Variants in UGT1A4 observed in about 807,000 individuals in gnomAD.
UGT1A4 encodes UDP glucuronosyltransferase family 1 member A4.
In UGT1A4, 32 loss-of-function variants were observed where a neutral mutation model predicts 41.1. That is an observed-to-expected ratio of 0.78 (90% CI 0.59 to 1.05). The LOEUF is 1.05. Among genes scored for constraint, UGT1A4 ranks in the 50% least tolerant of loss-of-function variants. The pLI is 0.00. For synonymous variants in UGT1A4, 283 were observed against 265.1 expected (o/e 1.07, Z -0.66); for missense variants, 748 against 677.4 (o/e 1.10, Z -1.16).
chr2:233,747,973 T>C, intron 1 of UGT1A4: 1 of 1,613,528 alleles, frequency 6.2e-7, no homozygotes, highest in East Asian at 2.2e-5. Flanking sequence ...CATGCATCTG[T>C]GTGGCTGTTC....
In UGT1A4 at chr2:233,718,771, A is replaced by T; in HGVS notation, c.-50A>T. 4 of 1,612,862 alleles carry T rather than the reference A, an allele frequency of 2.5e-6. No homozygotes were observed. Among genetic ancestry groups the T allele is most frequent in the Non-Finnish European group, 3.4e-6 (4 of 1,179,994 alleles). On this transcript the variant is annotated 5_prime_UTR_variant, in exon 1 of 5. The change abolishes the stop of an existing upstream ORF in the 5' untranslated region. Coordinates refer to ENST00000373409, the MANE Select transcript of UGT1A4 (RefSeq NM_007120.3). ...TAATTAAGGCGAAGGAAACAAATGT[A>T]GCAGGCACAGCGTGGGGTGGACAGT...
intron 1 of UGT1A4, among the ~76,000 whole-genome samples, chr2:233,766,480 T>TG (rs1699163559): frequency 6.6e-6 from 1 of 152,128 alleles, no homozygotes; most frequent in Non-Finnish European, 1.5e-5. Context: ...AGGCACATGA[T>TG]GGGGGCGTGG....
rs919221213 is a variant in UGT1A4 at position 233,772,323 on chromosome 2, G to T, written c.1369G>T (p.Asp457Tyr). 1.9e-6 allele frequency: 3 copies of T among 1,614,164 alleles called. No individual in the cohort carries two copies. Among genetic ancestry groups the T allele is most frequent in the Non-Finnish European group, 2.5e-6 (3 of 1,180,042 alleles). Residue 457 changes from aspartate to tyrosine, a missense_variant, in exon 5 of 5, where the codon GAC (aspartate) becomes TAC (tyrosine). Asp to Tyr is a radical substitution (Grantham distance 160). Coordinates refer to ENST00000373409, the MANE Select transcript of UGT1A4 (RefSeq NM_007120.3). Reference protein sequence around the residue: ...LHKDRPVEPLDLAVFWVEFVM... With the variant: ...LHKDRPVEPLYLAVFWVEFVM... ...CAAGGACCGCCCGGTGGAGCCGCTG[G>T]ACCTGGCCGTGTTCTGGGTGGAGTT...
chr2:233,762,588 C>T lies in UGT1A4; in HGVS notation c.868-4446C>T, dbSNP rs557401720. On this transcript the variant is annotated intron_variant, in intron 1 of 4. Coordinates refer to ENST00000373409, the MANE Select transcript of UGT1A4 (RefSeq NM_007120.3). ...TCTAGTTCCCCACAGAGGAACATTA[C>T]AATTTGTATTCCAGGAGTTTTGTTG... is the stretch of plus-strand genomic sequence containing the variant. Among the ~76,000 whole-genome samples, 47 of 152,302 alleles carry T rather than the reference C, an allele frequency of 3.1e-4. No individual in the cohort carries two copies. In the Middle Eastern group the frequency reaches 0.014, roughly 44 times the overall value.
intron 4 of UGT1A4, 145 bp downstream of exon 4, chr2:233,768,584 T>TC: frequency 1.2e-5 from 1 of 86,896 alleles, no homozygotes; most frequent in Non-Finnish European, 1.4e-5. Flanking sequence ...TATTTCTTCT[T>TC]TTTTTTTTTT....
intron 1 of UGT1A4, among the ~76,000 whole-genome samples, chr2:233,736,037 C>T (rs2078722692): frequency 6.6e-6 from 1 of 152,038 alleles, no homozygotes; most frequent in African/African-American, 2.4e-5. Flanking sequence ...TCTGTATTTC[C>T]TGAATTTGAA....
intron 1 of UGT1A4, chr2:233,747,118 C>G: frequency 6.9e-7 from 1 of 1,458,022 alleles, no homozygotes. Flanking sequence ...TGATGATTTG[C>G]TAAGTGGCTC....
At chr2:233,731,284 C>CTTTTTTTTTTT (rs78127606) in intron 1 of UGT1A4, among the ~76,000 whole-genome samples, 1 of 139,762 alleles carries the variant, frequency 7.2e-6, no homozygotes. Flanking sequence ...GTTTTTCTTT[C>CTTTTTTTTTTT]TTTTTTTTTT....
chr2:233,724,950 A>C (rs2077335462), intron 1 of UGT1A4, among the ~76,000 whole-genome samples: 2 of 143,906 alleles, frequency 1.4e-5, no homozygotes, highest in Non-Finnish European at 1.5e-5. Flanking sequence ...CAATCCCGGC[A>C]CCTCGGGAGG....
chr2:233,728,324 C>T (rs1309797848), intron 1 of UGT1A4, among the ~76,000 whole-genome samples: 1 of 152,194 alleles, frequency 6.6e-6, no homozygotes, highest in Non-Finnish European at 1.5e-5. Context: ...GGCCAGGCTC[C>T]AGCTCCCCCA....
intron 1 of UGT1A4, among the ~76,000 whole-genome samples, chr2:233,764,775 GA>G (rs1268647716): frequency 6.6e-6 from 1 of 152,162 alleles, no homozygotes. Context: ...AAGGAGTTCA[GA>G]AAAACCATCC....
intron 1 of UGT1A4, chr2:233,729,531 G>T (rs757870746): frequency 6.2e-7 from 1 of 1,614,140 alleles, no homozygotes. Context: ...TACATAATGA[G>T]GCCCTGATCA....
intron 1 of UGT1A4, among the ~76,000 whole-genome samples, chr2:233,725,748 A>G (rs530176387): frequency 3.9e-5 from 6 of 152,300 alleles, no homozygotes; most frequent in African/African-American, 1.4e-4. Context: ...ACATTGTAAG[A>G]GACTTACATT....
At chr2:233,730,970 C>A (rs1362150933) in intron 1 of UGT1A4, among the ~76,000 whole-genome samples, 1 of 152,154 alleles carries the variant, frequency 6.6e-6, no homozygotes. Context: ...ACTCTGGGAC[C>A]TGAATATTGT....
chr2:233,750,449 A>G (rs1225472187), intron 1 of UGT1A4, among the ~76,000 whole-genome samples: 4 of 151,972 alleles, frequency 2.6e-5, no homozygotes, highest in South Asian at 4.1e-4. Context: ...AGAAATTCAA[A>G]CCAGCTACAG....
At chr2:233,747,854 G>A (rs28900382) in intron 1 of UGT1A4, 43 of 1,613,390 alleles carry the variant, frequency 2.7e-5, no homozygotes, top group Non-Finnish European at 3.6e-5. Flanking sequence ...TCAAGAACAT[G>A]CTCTACCCTC....
At chr2:233,751,081 C>A (rs1306990263) in intron 1 of UGT1A4, among the ~76,000 whole-genome samples, 1 of 151,926 alleles carries the variant, frequency 6.6e-6, no homozygotes, top group African/African-American at 2.4e-5. Context: ...CCTCTGAAGG[C>A]AGCCAGGAGG....
intron 1 of UGT1A4, chr2:233,739,067 G>A (rs1690974167): frequency 6.6e-6 from 1 of 152,282 alleles, no homozygotes. Context: ...TTCAGAGGGT[G>A]CAAACCTCAA....
intron 1 of UGT1A4, among the ~76,000 whole-genome samples, chr2:233,737,902 T>C (rs1690626433): frequency 6.6e-6 from 1 of 152,134 alleles, no homozygotes; most frequent in Non-Finnish European, 1.5e-5. Flanking sequence ...TCGAGTGTGG[T>C]AAAGAACAGG....
Sources: gnomAD v4.1 joint callset for allele counts (sites outside exome capture counted in the v4.1 genomes callset) on GRCh38, gnomAD v4.1.1 for gene constraint, MANE v1.5 for transcripts, NCBI Gene and HGNC (gene_info 2026-07-23, HGNC 2026-07-21) for gene names.